Variants in PCDH9 observed in about 807,000 individuals in gnomAD.
The protein encoded by PCDH9 is protocadherin-9.
PCDH9 carries 24 observed loss-of-function variants against 70.6 expected under a neutral mutation model. That is an observed-to-expected ratio of 0.34 (90% CI 0.25 to 0.48). The LOEUF is 0.48. Among genes scored for constraint, PCDH9 ranks in the 20% least tolerant of loss-of-function variants. The probability of loss-of-function intolerance (pLI) is 0.99; values close to 1 mark genes in which losing one functional copy is unlikely to be tolerated. For missense variants in PCDH9, 1,281 were observed against 1,503.6 expected (o/e 0.85, Z 2.45); for synonymous variants, 562 against 558.5 (o/e 1.01, Z -0.09).
intron 2 of PCDH9, among the ~76,000 whole-genome samples, chr13:67,135,576 G>A (rs955239552): frequency 1.3e-5 from 2 of 151,958 alleles, no homozygotes; most frequent in Admixed American, 6.6e-5. Context: ...GTAATTTCAC[G>A]GTAAGAACAT....
chr13:66,724,334 G>C (rs190345605), intron 3 of PCDH9, among the ~76,000 whole-genome samples: 1 of 152,230 alleles, frequency 6.6e-6, no homozygotes, highest in East Asian at 1.9e-4. Flanking sequence ...AAAGCATAGG[G>C]CTTAAAAAAT....
intron 3 of PCDH9, among the ~76,000 whole-genome samples, chr13:66,727,405 C>A (rs1645043335): frequency 6.6e-6 from 1 of 151,958 alleles, no homozygotes; most frequent in East Asian, 1.9e-4. Flanking sequence ...ATTTAAGCCC[C>A]ATTGTTCATT....
chr13:66,867,824 C>T (rs2081603120), intron 3 of PCDH9, among the ~76,000 whole-genome samples: 1 of 151,822 alleles, frequency 6.6e-6, no homozygotes, highest in South Asian at 2.1e-4. Context: ...TGAAAAAAAT[C>T]CTTTTTTTTA....
intron 2 of PCDH9, among the ~76,000 whole-genome samples, chr13:67,111,799 T>C (rs746925729): frequency 3.9e-5 from 6 of 152,204 alleles, no homozygotes; most frequent in Non-Finnish European, 8.8e-5. Flanking sequence ...GTGAGATTAT[T>C]ATGTAACCTT....
intron 4 of PCDH9, among the ~76,000 whole-genome samples, chr13:66,498,787 G>C (rs1180543959): frequency 6.6e-6 from 1 of 152,034 alleles, no homozygotes; most frequent in African/African-American, 2.4e-5. Context: ...GGACAGAGAA[G>C]TATTTGTCAC....
chr13:66,859,589 C>T (rs1269713737), intron 3 of PCDH9, among the ~76,000 whole-genome samples: 2 of 152,038 alleles, frequency 1.3e-5, no homozygotes, highest in East Asian at 1.9e-4. Context: ...GAAGAAACTT[C>T]GTGATTAAAC....
intron 4 of PCDH9, among the ~76,000 whole-genome samples, chr13:66,371,896 C>A (rs1481530298): frequency 6.6e-6 from 1 of 152,022 alleles, no homozygotes; most frequent in Non-Finnish European, 1.5e-5. Flanking sequence ...AGAAAAGCTG[C>A]AGGAGTTTGC....
intron 2 of PCDH9, among the ~76,000 whole-genome samples, chr13:67,159,871 G>A (rs2087909912): frequency 6.6e-6 from 1 of 152,116 alleles, no homozygotes; most frequent in Non-Finnish European, 1.5e-5. Flanking sequence ...CAAATACGTA[G>A]TTTTATAAGA....
chr13:66,986,839 A>T (rs1304986604), intron 2 of PCDH9, among the ~76,000 whole-genome samples: 1 of 152,032 alleles, frequency 6.6e-6, no homozygotes, highest in East Asian at 1.9e-4. Flanking sequence ...AAATGAAAAC[A>T]AACATACAAC....
At chr13:66,824,476 T>C (rs1294808209) in intron 3 of PCDH9, among the ~76,000 whole-genome samples, 5 of 148,864 alleles carry the variant, frequency 3.4e-5, no homozygotes, top group Non-Finnish European at 5.9e-5. Context: ...GCCAATGTGG[T>C]GAAACCCCGT....
chr13:67,038,127 T>C (rs2085044602), intron 2 of PCDH9, among the ~76,000 whole-genome samples: 1 of 152,184 alleles, frequency 6.6e-6, no homozygotes, highest in African/African-American at 2.4e-5. Flanking sequence ...AAGTTTGACA[T>C]TATGATGTAA....
chr13:66,872,587 T>C (rs529502040), intron 3 of PCDH9, among the ~76,000 whole-genome samples: 1 of 152,222 alleles, frequency 6.6e-6, no homozygotes, highest in African/African-American at 2.4e-5. Flanking sequence ...TTTTTTACAA[T>C]AAATTGTGTC....
chr13:66,594,893 G>C (rs748776351), intron 4 of PCDH9, among the ~76,000 whole-genome samples: 4 of 150,790 alleles, frequency 2.7e-5, no homozygotes, highest in Non-Finnish European at 4.4e-5. Context: ...TTGCAGCTTT[G>C]ATCTTTTAAG....
At chr13:67,141,733 C>T (rs1414006052) in intron 2 of PCDH9, among the ~76,000 whole-genome samples, 2 of 150,662 alleles carry the variant, frequency 1.3e-5, no homozygotes, top group Non-Finnish European at 3.0e-5. Context: ...GTTCCTGCGC[C>T]CAGCCAAGAC....
rs2081364823 is a variant in PCDH9, at chr13:66,854,597, TC to T, written c.3138+48906del. On this transcript the variant is annotated intron_variant, in intron 3 of 4. Coordinates refer to ENST00000377865, the MANE Select transcript of PCDH9 (RefSeq NM_203487.3). ...TCAGCTCTCATATTGTAACCAAGTG[TC>T]TTTTTTAATGTCTATTTAGTGCCAC... 2.0e-5 allele frequency among the ~76,000 whole-genome samples: 3 copies of T among 152,098 alleles called. 1 individual carries two copies. The South Asian group carries it at 6.2e-4, about 31-fold the overall frequency.
intron 2 of PCDH9, among the ~76,000 whole-genome samples, chr13:66,988,805 G>T (rs938444721): frequency 6.6e-6 from 1 of 151,912 alleles, no homozygotes; most frequent in South Asian, 2.1e-4. Flanking sequence ...TGAATTCATA[G>T]GTAGTGCAAT....
chr13:66,596,812 C>CA (rs549340864), intron 4 of PCDH9, among the ~76,000 whole-genome samples: 2,174 of 138,208 alleles, frequency 0.016, 41 homozygotes, highest in African/African-American at 0.046. Flanking sequence ...TTTTATAATA[C>CA]AAAAAAAAAA....
chr13:66,378,513 T>A (rs369438265), intron 4 of PCDH9, among the ~76,000 whole-genome samples: 7 of 152,164 alleles, frequency 4.6e-5, no homozygotes, highest in Admixed American at 1.3e-4. Flanking sequence ...CTGCATTTTT[T>A]AAAATTAAAT....
intron 3 of PCDH9, among the ~76,000 whole-genome samples, chr13:66,750,143 C>G (rs1241891542): frequency 6.6e-6 from 1 of 151,960 alleles, no homozygotes. Context: ...TCTTATTTCT[C>G]TTTTAAAAAT....
Sources: gnomAD v4.1 joint callset for allele counts (sites outside exome capture counted in the v4.1 genomes callset) on GRCh38, gnomAD v4.1.1 for gene constraint, MANE v1.5 for transcripts, NCBI Gene and HGNC (gene_info 2026-07-23, HGNC 2026-07-21) for gene names.